CXCL1: variants seen among roughly 807,000 people sequenced by gnomAD.
CXCL1 encodes growth-regulated alpha protein.
CXCL1 carries 9 observed loss-of-function variants against 11.7 expected under a neutral mutation model. The ratio of observed to expected loss-of-function variants is 0.77; its 90% CI spans 0.46 to 1.34. The LOEUF is 1.34. CXCL1 is among the 40% of genes most tolerant of loss of function. The pLI is 0.00. For missense variants in CXCL1, 146 were observed against 138.1 expected (o/e 1.06, Z -0.29); for synonymous variants, 78 against 59.1 (o/e 1.32, Z -1.47).
intron 3 of CXCL1, chr4:73,870,320 A>AC: frequency 2.4e-5 from 10 of 423,980 alleles, no homozygotes; most frequent in East Asian, 1.1e-4. Context: ...GCCCCACCCC[A>AC]CCCCCATTCC....
At chr4:73,870,167 A>G (rs1279479381) in intron 3 of CXCL1, 178 bp downstream of exon 3, 25 of 699,522 alleles carry the variant, frequency 3.6e-5, no homozygotes, top group Non-Finnish European at 5.5e-5. Flanking sequence ...GTGCCAGAGG[A>G]TATTCCCAAT....
rs1731908017 is a variant in CXCL1, at chr4:73,869,928, A to G, written c.247A>G (p.Lys83Glu). The change falls in exon 3 of 4, where the codon AAA becomes GAA. Residue 83 changes from lysine (K) to glutamate (E), a missense_variant. Physicochemically the swap from Lys to Glu is moderately conservative, Grantham distance 56 (BLOSUM62 1). Coordinates refer to ENST00000395761, the MANE Select transcript of CXCL1 (RefSeq NM_001511.4). The stretch of plus-strand genomic sequence containing the variant: ...CAGAGCCACACTCAAGAATGGGCGG[A>G]AAGCTTGCCTCAATCCTGCATCCCC... Reference protein sequence around the residue: ...EVIATLKNGRKACLNPASPIV... With the variant: ...EVIATLKNGREACLNPASPIV... The G allele has an allele frequency of 6.2e-7, 1 of 1,614,018 alleles. No individual in the cohort carries two copies. The highest frequency in any genetic ancestry group is 1.7e-5 in the Admixed American group (1 of 60,000).
At position 73,869,615 on chromosome 4, in the gene CXCL1, G is replaced by A. The variant is rs374842435; in HGVS notation, c.100+45G>A. The A allele has an allele frequency of 1.5e-5, 25 of 1,613,394 alleles. No homozygotes were observed. The East Asian group carries it at 4.2e-4, about 27-fold the overall frequency. On this transcript the variant is annotated intron_variant, in intron 1 of 3. Transcript: ENST00000395761. ...GGTCCCCGGGCCGGACGCGGCTGGG[G>A]TAGGCACCCAGCGCCGACAGCCTCG...
At chr4:73,869,625 A>T in intron 1 of CXCL1, 44 bp from the exon 2 acceptor site, 2 of 1,613,734 alleles carry the variant, frequency 1.2e-6, no homozygotes, top group South Asian at 2.2e-5. Context: ...GTAGGCACCC[A>T]GCGCCGACAG....
chr4:73,870,107 G>A, intron 3 of CXCL1, 118 bp downstream of exon 3: 4 of 999,602 alleles, frequency 4.0e-6, no homozygotes, highest in African/African-American at 3.3e-5. Context: ...CTAGAAATTG[G>A]GATTATTGTT....
At position 73,869,900 on chromosome 4, in the gene CXCL1, C is replaced by T; in HGVS notation, c.225-6C>T. On this transcript the variant is annotated splice_polypyrimidine_tract_variant and splice_region_variant and intron_variant, in intron 2 of 3. Coordinates refer to ENST00000395761, the MANE Select transcript of CXCL1 (RefSeq NM_001511.4). ...CCTGCCTCACGAGATTCCCTTCCCT[C>T]TGCAGAGCCACACTCAAGAATGGGC... 1 of 1,614,180 alleles carries T rather than the reference C, an allele frequency of 6.2e-7. No homozygotes were observed. Among genetic ancestry groups the T allele is most frequent in the South Asian group, 1.1e-5 (1 of 91,082 alleles).
In CXCL1 at chr4:73,869,556, G is replaced by T; in HGVS notation, c.86G>T (p.Gly29Val). The change falls in exon 1 of 4, where the codon GGC becomes GTC. Residue 29 changes from glycine (G) to valine (V), a missense_variant. Gly to Val is a moderately radical substitution (Grantham distance 109, BLOSUM62 -3). Transcript: ENST00000395761. ...ALLLLLLVAAGRRAAGASVAT... is the reference protein window; with the variant it reads ...ALLLLLLVAAVRRAAGASVAT... ...CTGCTCCTGCTCCTGGTAGCCGCTG[G>T]CCGGCGCGCAGCAGGTGGGTACCGG... is the stretch of plus-strand genomic sequence containing the variant. 2 of 1,610,054 alleles carry T rather than the reference G, an allele frequency of 1.2e-6. No homozygotes were observed. The highest frequency in any genetic ancestry group is 1.7e-6 in the Non-Finnish European group (2 of 1,178,132).
In CXCL1 at chr4:73,869,593, C is replaced by A. The variant is rs376258192; in HGVS notation, c.100+23C>A. 34 of 1,612,722 alleles carry A rather than the reference C, an allele frequency of 2.1e-5. No homozygotes were observed. The African/African-American group carries it at 4.0e-4, about 19-fold the overall frequency. ...CAGGTGGGTACCGGCGCCCTGGGGT[C>A]CCCGGGCCGGACGCGGCTGGGGTAG... On this transcript the variant is annotated intron_variant, in intron 1 of 3. Coordinates refer to ENST00000395761, the MANE Select transcript of CXCL1 (RefSeq NM_001511.4).
chr4:73,869,967 A>G lies in CXCL1; in HGVS notation c.286A>G (p.Ile96Val). ...TCCTGCATCCCCCATAGTTAAGAAA[A>G]TCATCGAAAAGATGCTGAACAGGTG... is the stretch of plus-strand genomic sequence containing the variant. ...LNPASPIVKK[I>V]IEKMLNSDKS... is the part of the protein sequence containing the mutation. The change falls in exon 3 of 4, where the codon ATC becomes GTC. Residue 96 changes from isoleucine to valine, a missense_variant. Transcript: ENST00000395761. 5 of 1,614,154 alleles carry G rather than the reference A, an allele frequency of 3.1e-6. No individual in the cohort carries two copies. The highest frequency in any genetic ancestry group is 4.2e-6 in the Non-Finnish European group (5 of 1,180,036).
Position 73,869,546 on chromosome 4 carries a change from G to C in CXCL1, c.76G>C (p.Val26Leu). 1 of 1,608,730 alleles carries C rather than the reference G, an allele frequency of 6.2e-7. No homozygotes were observed. Among genetic ancestry groups the C allele is most frequent in the Non-Finnish European group, 8.5e-7 (1 of 1,177,484 alleles). Residue 26 changes from valine (V) to leucine (L), a missense_variant, in exon 1 of 4, where the codon GTA (valine) becomes CTA (leucine). Physicochemically the swap from Val to Leu is conservative, Grantham distance 32. Coordinates refer to ENST00000395761, the MANE Select transcript of CXCL1 (RefSeq NM_001511.4). ...LRVALLLLLLVAAGRRAAGAS... is the reference protein window; with the variant it reads ...LRVALLLLLLLAAGRRAAGAS... The stretch of plus-strand genomic sequence containing the variant: ...AGTGGCACTGCTGCTCCTGCTCCTG[G>C]TAGCCGCTGGCCGGCGCGCAGCAGG...
chr4:73,870,553 AG>A lies in CXCL1; in HGVS notation c.*18del. The A allele has an allele frequency of 6.2e-7, 1 of 1,613,818 alleles. No individual in the cohort carries two copies. Among genetic ancestry groups the A allele is most frequent in the South Asian group, 1.1e-5 (1 of 91,058 alleles). ...TCCAACTGACCAGAAGGGAGGAGGA[AG>A]CTCACTGGTGGCTGTTCCTGAAGGA... On this transcript the variant is annotated 3_prime_UTR_variant, in exon 4 of 4. Coordinates refer to ENST00000395761, the MANE Select transcript of CXCL1 (RefSeq NM_001511.4).
chr4:73,870,438 G>A (rs1014373839), intron 3 of CXCL1, 83 bp from the exon 4 acceptor site: 34 of 1,571,418 alleles, frequency 2.2e-5, no homozygotes, highest in Middle Eastern at 1.7e-4. Context: ...AACTCTAGAG[G>A]CTGGAGGAGC....
Position 73,869,584 on chromosome 4 carries a change from C to G in CXCL1, c.100+14C>G. On this transcript the variant is annotated intron_variant, in intron 1 of 3. Coordinates refer to ENST00000395761, the MANE Select transcript of CXCL1 (RefSeq NM_001511.4). ...GGCGCGCAGCAGGTGGGTACCGGCG[C>G]CCTGGGGTCCCCGGGCCGGACGCGG... 3 of 1,612,428 alleles carry G rather than the reference C, an allele frequency of 1.9e-6. No homozygotes were observed. The highest frequency in any genetic ancestry group is 2.5e-6 in the Non-Finnish European group (3 of 1,179,240).
rs1731897404 is a variant in CXCL1, at chr4:73,869,754, G to C, written c.186G>C (p.Val62=). 6.2e-7 allele frequency: 1 copy of C among 1,614,098 alleles called. No homozygotes were observed. The highest frequency in any genetic ancestry group is 8.5e-7 in the Non-Finnish European group (1 of 1,180,002). ...CCAAGAACATCCAAAGTGTGAACGT[G>C]AAGTCCCCCGGACCCCACTGCGCCC... ...IHPKNIQSVN[V]KSPGPHCAQT... Residue 62 remains valine (V), a synonymous_variant, in exon 2 of 4, where the codon GTG becomes GTC. Transcript: ENST00000395761.
intron 3 of CXCL1, 45 bp downstream of exon 3, chr4:73,870,034 C>G (rs201976269): frequency 6.3e-7 from 1 of 1,580,492 alleles, no homozygotes; most frequent in South Asian, 1.1e-5. Flanking sequence ...AGCCGTTGGT[C>G]AGAAATACTG....
chr4:73,870,239 T>G (rs534171707), intron 3 of CXCL1: 1 of 619,902 alleles, frequency 1.6e-6, no homozygotes, highest in Non-Finnish European at 2.8e-6. Context: ...ACTGCCTTCA[T>G]TTGAGGCCCA....
At position 73,870,809 on chromosome 4, in the gene CXCL1, C is replaced by T. The variant is rs1350998246; in HGVS notation, c.*273C>T. ...TTCATTCTTTTTGAAATGTCAACCCCAAGTTAGTTCAATCTGGATTCATAT... is the reference window on the plus strand; with the variant it reads ...TTCATTCTTTTTGAAATGTCAACCCTAAGTTAGTTCAATCTGGATTCATAT... On this transcript the variant is annotated 3_prime_UTR_variant, in exon 4 of 4. Transcript: ENST00000395761. 3 of 324,248 alleles carry T rather than the reference C, an allele frequency of 9.3e-6. No individual in the cohort carries two copies. Among genetic ancestry groups the T allele is most frequent in the South Asian group, 5.8e-5 (1 of 17,254 alleles). 20.1% of individuals were successfully genotyped at this position (324,248 alleles called of 1,614,324 possible).
rs186092967 is a variant in CXCL1, at chr4:73,869,752, G to C, written c.184G>C (p.Val62Leu). The part of the protein sequence containing the change: ...IHPKNIQSVN[V>L]KSPGPHCAQT... ...CCCCAAGAACATCCAAAGTGTGAAC[G>C]TGAAGTCCCCCGGACCCCACTGCGC... The change falls in exon 2 of 4, where the codon GTG becomes CTG. Residue 62 changes from valine to leucine, a missense_variant. Transcript: ENST00000395761. 1.5e-3 allele frequency: 2,433 copies of C among 1,614,030 alleles called. 5 individuals carry two copies. The highest frequency in any genetic ancestry group is 1.9e-3 in the Non-Finnish European group (2,271 of 1,179,994).
In CXCL1 at chr4:73,870,621, G is replaced by C; in HGVS notation, c.*85G>C. On this transcript the variant is annotated 3_prime_UTR_variant, in exon 4 of 4. Coordinates refer to ENST00000395761, the MANE Select transcript of CXCL1 (RefSeq NM_001511.4). ...GAACAGAAGAGGAAAGAGAGACACA[G>C]CTGCAGAGGCCACCTGGATTGTGCC... 6.6e-7 allele frequency: 1 copy of C among 1,525,816 alleles called. No homozygotes were observed. Among genetic ancestry groups the C allele is most frequent in the Non-Finnish European group, 9.0e-7 (1 of 1,107,854 alleles). The allele number at this position is 1,525,816 out of a possible 1,614,324, so 94.5% of individuals were successfully genotyped here. A position where few individuals can be genotyped will look rare whatever the true frequency, so the allele number is the denominator to read the frequency against.
Sources: allele counts gnomAD v4.1 joint callset, GRCh38; gene constraint gnomAD v4.1.1; transcripts MANE v1.5; gene names NCBI Gene and HGNC (gene_info 2026-07-23, HGNC 2026-07-21).